Variants in CYP2C19 observed in about 807,000 individuals in gnomAD.
CYP2C19 encodes cytochrome P450 2C19.
CYP2C19 carries 59 observed loss-of-function variants against 40.9 expected under a neutral mutation model. The observed-to-expected ratio is 1.44, with a 90% CI of 1.17 to 1.79. The LOEUF (loss-of-function observed/expected upper bound fraction) is 1.79. Among genes scored for constraint, CYP2C19 ranks in the 40% most tolerant of loss-of-function variants. The pLI, the probability that CYP2C19 is intolerant of heterozygous loss-of-function variation, is 0.00. For synonymous variants in CYP2C19, 253 were observed against 208.7 expected (o/e 1.21, Z -1.83); for missense variants, 754 against 596.9 (o/e 1.26, Z -2.74).
chr10:94,776,468 T>A (rs1337095241), intron 3 of CYP2C19: 2 of 152,154 alleles, frequency 1.3e-5, no homozygotes, highest in African/African-American at 4.8e-5. Context: ...ATTTTTAAAT[T>A]CTGTTTTCCA....
rs563136391 is a variant in CYP2C19, at chr10:94,779,757, A to C, written c.482-742A>C. Among the ~76,000 whole-genome samples, 5 of 151,948 alleles carry C rather than the reference A, an allele frequency of 3.3e-5. No homozygotes were observed. In the South Asian group the frequency reaches 8.3e-4, roughly 25 times the overall value. Reference sequence around the variant, plus strand: ...TGCATCCTTAGCAGAGATGGGGTTCACCATGTTGGCCAGGCTGGTCTTGAA... The same window carrying C: ...TGCATCCTTAGCAGAGATGGGGTTCCCCATGTTGGCCAGGCTGGTCTTGAA... On this transcript the variant is annotated intron_variant, in intron 3 of 8. Coordinates refer to ENST00000371321, the MANE Select transcript of CYP2C19 (RefSeq NM_000769.4).
At chr10:94,818,745 C>G (rs1041600065) in intron 5 of CYP2C19, among the ~76,000 whole-genome samples, 2 of 148,832 alleles carry the variant, frequency 1.3e-5, no homozygotes, top group Non-Finnish European at 3.0e-5. Context: ...GATTTTGTAT[C>G]CTGAGACTTT....
At chr10:94,838,237 A>G (rs1168346641) in intron 6 of CYP2C19, among the ~76,000 whole-genome samples, 1 of 152,116 alleles carries the variant, frequency 6.6e-6, no homozygotes, top group African/African-American at 2.4e-5. Context: ...GAGGGTCTAC[A>G]CTGGGAACTG....
chr10:94,812,261 C>T (rs1848938093), intron 5 of CYP2C19, among the ~76,000 whole-genome samples: 1 of 152,172 alleles, frequency 6.6e-6, no homozygotes, highest in Non-Finnish European at 1.5e-5. Flanking sequence ...GTCTGACAGG[C>T]TTCCCTTGGT....
intron 1 of CYP2C19, among the ~76,000 whole-genome samples, chr10:94,767,014 G>C (rs1589816398): frequency 6.6e-6 from 1 of 152,052 alleles, no homozygotes; most frequent in Non-Finnish European, 1.5e-5. Context: ...AGGTTTCATT[G>C]ATATTTTGCC....
intron 6 of CYP2C19, among the ~76,000 whole-genome samples, chr10:94,824,584 A>G (rs1849183548): frequency 6.6e-6 from 1 of 152,166 alleles, no homozygotes; most frequent in Non-Finnish European, 1.5e-5. Flanking sequence ...TTTTGATGTA[A>G]AATTAATTCC....
chr10:94,803,207 T>A (rs896245589), intron 5 of CYP2C19, among the ~76,000 whole-genome samples: 5 of 152,214 alleles, frequency 3.3e-5, no homozygotes, highest in Non-Finnish European at 7.3e-5. Context: ...TTTGAATTTT[T>A]GTTTTCTGCA....
intron 5 of CYP2C19, among the ~76,000 whole-genome samples, chr10:94,812,492 C>G (rs1215590463): frequency 2.6e-5 from 4 of 152,044 alleles, no homozygotes; most frequent in African/African-American, 7.2e-5. Flanking sequence ...TCCATTCTCC[C>G]CATCACTTTC....
intron 5 of CYP2C19, among the ~76,000 whole-genome samples, chr10:94,810,782 T>C (rs1270372882): frequency 6.6e-6 from 1 of 152,198 alleles, no homozygotes; most frequent in Non-Finnish European, 1.5e-5. Flanking sequence ...CTTTCTTTTC[T>C]TCTTTATTAG....
intron 7 of CYP2C19, among the ~76,000 whole-genome samples, chr10:94,846,137 G>T (rs1008733205): frequency 6.6e-6 from 1 of 152,036 alleles, no homozygotes; most frequent in Non-Finnish European, 1.5e-5. Context: ...TCACTCTCCA[G>T]TCAAGAAACA....
chr10:94,802,141 C>T (rs1564669835), intron 5 of CYP2C19, among the ~76,000 whole-genome samples: 1 of 150,766 alleles, frequency 6.6e-6, no homozygotes, highest in East Asian at 1.9e-4. Flanking sequence ...TTTTTCAGAG[C>T]ACTGATTGGT....
intron 1 of CYP2C19, among the ~76,000 whole-genome samples, chr10:94,765,303 ATGT>A (rs1848224660): frequency 6.6e-6 from 1 of 152,030 alleles, no homozygotes; most frequent in Non-Finnish European, 1.5e-5. Context: ...TCCTGGGGCA[ATGT>A]TAATGTTGGG....
chr10:94,810,192 T>C (rs146697423), intron 5 of CYP2C19, among the ~76,000 whole-genome samples: 139 of 152,292 alleles, frequency 9.1e-4, no homozygotes, highest in African/African-American at 2.7e-3. Flanking sequence ...CATTTATTGA[T>C]TTGCATGTGT....
chr10:94,775,968 C>T, intron 3 of CYP2C19: 2 of 209,698 alleles, frequency 9.5e-6, no homozygotes, highest in Non-Finnish European at 1.9e-5. Flanking sequence ...ATGGCATGTG[C>T]TTTTATTTAA....
At chr10:94,823,819 A>G (rs996091722) in intron 6 of CYP2C19, among the ~76,000 whole-genome samples, 2 of 152,224 alleles carry the variant, frequency 1.3e-5, no homozygotes, top group Non-Finnish European at 2.9e-5. Flanking sequence ...GCTTAATTCA[A>G]ATGCCTGAAG....
intron 5 of CYP2C19, among the ~76,000 whole-genome samples, chr10:94,815,539 A>C (rs969021965): frequency 1.3e-5 from 2 of 152,170 alleles, no homozygotes; most frequent in Non-Finnish European, 2.9e-5. Context: ...TGAACTTCCA[A>C]ATTTTGAGAA....
intron 5 of CYP2C19, among the ~76,000 whole-genome samples, chr10:94,801,327 C>A (rs537224624): frequency 2.6e-5 from 4 of 152,238 alleles, no homozygotes; most frequent in South Asian, 4.2e-4. Context: ...AACATTATTA[C>A]TTTTGCCTTA....
At chr10:94,798,437 C>T (rs573838795) in intron 5 of CYP2C19, among the ~76,000 whole-genome samples, 17 of 152,130 alleles carry the variant, frequency 1.1e-4, no homozygotes, top group African/African-American at 2.9e-4. Flanking sequence ...AGAATAAGCA[C>T]GATGTGGTGC....
intron 7 of CYP2C19, among the ~76,000 whole-genome samples, chr10:94,849,589 T>C (rs1166821599): frequency 6.6e-6 from 1 of 150,630 alleles, no homozygotes; most frequent in Non-Finnish European, 1.5e-5. Context: ...CATTAACTCA[T>C]CATTTAGCAT....
Sources: gnomAD v4.1 joint callset for allele counts (sites outside exome capture counted in the v4.1 genomes callset) on GRCh38, gnomAD v4.1.1 for gene constraint, MANE v1.5 for transcripts, NCBI Gene and HGNC (gene_info 2026-07-23, HGNC 2026-07-21) for gene names.